The following CXADR variants were observed in gnomAD, a reference collection of about 807,000 sequenced individuals.
CXADR encodes CXADR cell adhesion molecule, also known as coxsackievirus and adenovirus receptor.
Under a neutral mutation model 40.3 loss-of-function variants are expected in CXADR, and 20 were observed. That is an observed-to-expected ratio of 0.50 (90% CI 0.35 to 0.72). The LOEUF is 0.72. Ranked by LOEUF, CXADR falls within the 30% of genes least tolerant of loss-of-function variation. CXADR has a pLI of 0.01. For missense variants in CXADR, 332 were observed against 449.1 expected (o/e 0.74, Z 2.36); for synonymous variants, 150 against 161.3 (o/e 0.93, Z 0.53).
At chr21:17,579,884 TA>T (rs35908570) in intron 7 of CXADR, among the ~76,000 whole-genome samples, 13,361 of 148,488 alleles carry the variant, frequency 0.09, 668 homozygotes, top group African/African-American at 0.12. Flanking sequence ...TGTATTTTAT[TA>T]AAAAAAAAAA....
chr21:17,594,142 T>G (rs758831872), downstream of CXADR: 1 of 1,613,310 alleles, frequency 6.2e-7, no homozygotes, highest in Admixed American at 1.7e-5. Flanking sequence ...CCGGTCACAA[T>G]GCATTCCAGG....
the CXADR span, among the ~76,000 whole-genome samples, chr21:17,619,772 C>A: frequency 2.7e-5 from 3 of 112,754 alleles, no homozygotes; most frequent in South Asian, 2.6e-4. Flanking sequence ...TTAGCTAGAT[C>A]TTCTGGATAA....
At chr21:17,559,865 C>G (rs2846884) in intron 4 of CXADR, among the ~76,000 whole-genome samples, 134,538 of 151,354 alleles carry the variant, frequency 0.89, 59,835 homozygotes, top group East Asian at 1. Context: ...TTTTTGTAGA[C>G]ATGGAGTTTC....
chr21:17,625,795 C>T, the CXADR span, among the ~76,000 whole-genome samples: 4 of 152,168 alleles, frequency 2.6e-5, no homozygotes, highest in Admixed American at 6.5e-5. Context: ...ATTCTAGCAC[C>T]GGAGATATCA....
chr21:17,547,729 G>C (rs1480746950), intron 2 of CXADR, among the ~76,000 whole-genome samples: 2 of 151,242 alleles, frequency 1.3e-5, no homozygotes, highest in Admixed American at 6.7e-5. Context: ...CCTGTCCAAT[G>C]AATTTTTTAA....
intron 2 of CXADR, among the ~76,000 whole-genome samples, chr21:17,548,249 G>T (rs1319337257): frequency 6.6e-6 from 1 of 152,106 alleles, no homozygotes; most frequent in African/African-American, 2.4e-5. Context: ...GTGCAGTTAG[G>T]TAATTAATAT....
intron 1 of CXADR, among the ~76,000 whole-genome samples, chr21:17,531,908 G>A (rs1290148217): frequency 6.6e-6 from 1 of 150,882 alleles, no homozygotes; most frequent in Admixed American, 6.7e-5. Context: ...CTAATAAAAG[G>A]TGTCTTATTC....
At chr21:17,587,733 T>G (rs1420660465) in intron 7 of CXADR, among the ~76,000 whole-genome samples, 5 of 151,974 alleles carry the variant, frequency 3.3e-5, no homozygotes, top group Non-Finnish European at 4.4e-5. Flanking sequence ...AGAAGCTCTT[T>G]AGTTTAATTA....
chr21:17,598,951 A>G, the CXADR span: 5 of 718,372 alleles, frequency 7.0e-6, no homozygotes, highest in Admixed American at 1.2e-4. Flanking sequence ...ACAGAACTTG[A>G]CCCTACACAT....
chr21:17,551,787 C>G lies in CXADR; in HGVS notation c.249C>G (p.Tyr83Ter). The change falls in exon 3 of 7, where the codon TAC becomes TAG. Residue 83 changes from tyrosine to a stop codon, truncating the protein, a stop_gained. Transcript: ENST00000284878. LOFTEE classifies it high-confidence loss of function. Reference sequence around the variant, plus strand: ...CTGGAGACAAAATTTATGATGACTACTATCCAGATCTGAAAGGCCGAGTAC... The same window carrying G: ...CTGGAGACAAAATTTATGATGACTAGTATCCAGATCTGAAAGGCCGAGTAC... ...LYSGDKIYDD[Y>*]YPDLKGRVHF... 6.2e-7 allele frequency: 1 copy of G among 1,613,612 alleles called. No homozygotes were observed. Among genetic ancestry groups the G allele is most frequent in the East Asian group, 2.2e-5 (1 of 44,850 alleles).
chr21:17,547,328 T>C, intron 2 of CXADR, 135 bp downstream of exon 2: 1 of 1,284,184 alleles, frequency 7.8e-7, no homozygotes, highest in Non-Finnish European at 1.1e-6. Flanking sequence ...CTTTATGGTC[T>C]GGGTGAGGAA....
chr21:17,559,270 C>G (rs2061075580), intron 4 of CXADR, 139 bp downstream of exon 4: 1 of 859,834 alleles, frequency 1.2e-6, no homozygotes, highest in Non-Finnish European at 1.8e-6. Context: ...GCTTCAACCT[C>G]CTAGGCTCAA....
intron 7 of CXADR, among the ~76,000 whole-genome samples, chr21:17,592,671 A>C (rs2061449634): frequency 6.6e-6 from 1 of 151,834 alleles, no homozygotes; most frequent in African/African-American, 2.4e-5. Flanking sequence ...GGTTAAAAAA[A>C]ATTGATAAAA....
chr21:17,514,447 G>A (rs7281861), intron 1 of CXADR, among the ~76,000 whole-genome samples: 1,652 of 151,972 alleles, frequency 0.011, 30 homozygotes, highest in African/African-American at 0.034. Flanking sequence ...GCCTTCCGGA[G>A]AAGATGAAGG....
chr21:17,556,840 A>G (rs1314388242), intron 3 of CXADR, among the ~76,000 whole-genome samples: 1 of 152,210 alleles, frequency 6.6e-6, no homozygotes, highest in Non-Finnish European at 1.5e-5. Flanking sequence ...GTTACTAAGA[A>G]AGAGTAAGGT....
chr21:17,590,936 C>T (rs1040197719), intron 7 of CXADR, among the ~76,000 whole-genome samples: 1 of 152,040 alleles, frequency 6.6e-6, no homozygotes, highest in African/African-American at 2.4e-5. Context: ...AGCCAGCTCC[C>T]TCTTCAGATA....
At chr21:17,599,533 A>G in the CXADR span, among the ~76,000 whole-genome samples, 1 of 150,370 alleles carries the variant, frequency 6.7e-6, no homozygotes, top group African/African-American at 2.5e-5. Flanking sequence ...CTGGAGTGCA[A>G]TGGGTGCAAT....
At chr21:17,518,071 G>A (rs537522147) in intron 1 of CXADR, among the ~76,000 whole-genome samples, 1 of 152,252 alleles carries the variant, frequency 6.6e-6, no homozygotes, top group South Asian at 2.1e-4. Context: ...CTTCAGATCT[G>A]AAATCCAAGA....
chr21:17,561,616 G>T (rs572463186), intron 6 of CXADR, 140 bp downstream of exon 6: 1 of 663,852 alleles, frequency 1.5e-6, no homozygotes, highest in African/African-American at 1.9e-5. Flanking sequence ...CAATACATTT[G>T]AAAGCATTTA....
Sources: gnomAD v4.1 joint callset for allele counts (sites outside exome capture counted in the v4.1 genomes callset) on GRCh38, gnomAD v4.1.1 for gene constraint, MANE v1.5 for transcripts, NCBI Gene and HGNC (gene_info 2026-07-23, HGNC 2026-07-21) for gene names.